The following KAT6B variants were observed in gnomAD, a reference collection of about 807,000 sequenced individuals.
KAT6B encodes histone acetyltransferase KAT6B.
Under a neutral mutation model 187.5 loss-of-function variants are expected in KAT6B, and 10 were observed. The observed-to-expected ratio is 0.05, with a 90% CI of 0.03 to 0.09. The LOEUF (loss-of-function observed/expected upper bound fraction) is 0.09. Ranked by LOEUF, KAT6B falls within the 10% of genes least tolerant of loss-of-function variation. The pLI is 1.00. For missense variants in KAT6B, 1,952 were observed against 2,558.9 expected, an observed-to-expected ratio of 0.76 and a Z score of 5.12; for synonymous variants, 861 against 926.8, an observed-to-expected ratio of 0.93 and a Z score of 1.29.
At chr10:74,952,186 C>A (rs1840362139) in intron 3 of KAT6B, among the ~76,000 whole-genome samples, 1 of 151,984 alleles carries the variant, frequency 6.6e-6, no homozygotes, top group Non-Finnish European at 1.5e-5. Context: ...AGACCCCCAT[C>A]TCTATGAAAA....
chr10:74,881,350 C>T (rs752541844), intron 3 of KAT6B, among the ~76,000 whole-genome samples: 7 of 152,118 alleles, frequency 4.6e-5, no homozygotes, highest in Admixed American at 2.6e-4. Flanking sequence ...CCTTTCACCT[C>T]GTCCATAAGG....
At chr10:75,003,051 C>G (rs1843958878) in intron 13 of KAT6B, 1 of 152,228 alleles carries the variant, frequency 6.6e-6, no homozygotes, top group African/African-American at 2.4e-5. Context: ...CACTGGTTTA[C>G]TTACTTCCAA....
rs1375137600 is a variant in KAT6B at position 74,829,019 on chromosome 10, AAAAAG to A, written c.-329+2246_-329+2250del. Among the ~76,000 whole-genome samples, 196 of 151,992 alleles carry A rather than the reference AAAAAG, an allele frequency of 1.3e-3. 2 individuals carry two copies. Among genetic ancestry groups the A allele is most frequent in the African/African-American group, 5.3e-4 (22 of 41,494 alleles). On this transcript the variant is annotated intron_variant, in intron 1 of 17. Coordinates refer to ENST00000287239, the MANE Select transcript of KAT6B (RefSeq NM_012330.4). Reference sequence around the variant, plus strand: ...GTGAAGTGATGGTTTAAAAAAAAAAAAAAAGAAAAGAAAAGAGAGAGACAGAGGAA... The same window carrying A: ...GTGAAGTGATGGTTTAAAAAAAAAAAAAAAGAAAAGAGAGAGACAGAGGAA...
chr10:74,966,256 G>C (rs759795612), intron 4 of KAT6B, among the ~76,000 whole-genome samples: 2 of 152,140 alleles, frequency 1.3e-5, no homozygotes, highest in Non-Finnish European at 2.9e-5. Flanking sequence ...TCCGTAAAAG[G>C]TTCTCTGCTT....
At chr10:74,890,202 T>C (rs1199542093) in intron 3 of KAT6B, among the ~76,000 whole-genome samples, 1 of 152,100 alleles carries the variant, frequency 6.6e-6, no homozygotes, top group Non-Finnish European at 1.5e-5. Context: ...GCTGCCTGGC[T>C]CATTTTGTAT....
chr10:74,826,937 CG>C (rs1212176218), intron 1 of KAT6B, among the ~76,000 whole-genome samples, 152 bp downstream of exon 1: 1 of 145,906 alleles, frequency 6.9e-6, no homozygotes, highest in Non-Finnish European at 1.5e-5. Context: ...TGCCCCTGAG[CG>C]TGACGGTAGG....
At chr10:74,927,647 C>T (rs774603623) in intron 3 of KAT6B, among the ~76,000 whole-genome samples, 1 of 152,084 alleles carries the variant, frequency 6.6e-6, no homozygotes, top group Non-Finnish European at 1.5e-5. Context: ...TCCCTCACCC[C>T]TCACGCTTCC....
chr10:74,862,635 C>T (rs1366025458), intron 3 of KAT6B, among the ~76,000 whole-genome samples: 1 of 152,196 alleles, frequency 6.6e-6, no homozygotes, highest in Non-Finnish European at 1.5e-5. Context: ...GGTCAGGGCT[C>T]TGCTTCCTGC....
At chr10:74,891,569 A>G (rs1845647787) in intron 3 of KAT6B, among the ~76,000 whole-genome samples, 1 of 152,250 alleles carries the variant, frequency 6.6e-6, no homozygotes, top group Admixed American at 6.5e-5. Context: ...TTAACAAGCA[A>G]CAATTTGCAA....
At chr10:74,972,704 T>A (rs1418082496) in intron 7 of KAT6B, 65 bp downstream of exon 7, 1 of 1,423,174 alleles carries the variant, frequency 7.0e-7, no homozygotes, top group Non-Finnish European at 9.9e-7. Context: ...TGATTGTTAT[T>A]CTCTCAGATT....
At chr10:74,830,785 TTTTTTTTTTTTTTTTTTTTG>T (rs1840786987) in intron 1 of KAT6B, among the ~76,000 whole-genome samples, 1 of 79,408 alleles carries the variant, frequency 1.3e-5, no homozygotes, top group African/African-American at 5.3e-5. Context: ...TTTTTTTTTT[TTTTTTTTTTTTTTTTTTTTG>T]AGACGGAGTT....
intron 3 of KAT6B, among the ~76,000 whole-genome samples, chr10:74,923,887 G>A (rs144934720): frequency 7.2e-5 from 11 of 152,290 alleles, no homozygotes; most frequent in South Asian, 2.1e-4. Flanking sequence ...AGCTGTAGGC[G>A]GCACCAAGGT....
At chr10:74,965,151 C>T (rs1841373102) in intron 4 of KAT6B, among the ~76,000 whole-genome samples, 2 of 152,230 alleles carry the variant, frequency 1.3e-5, no homozygotes. Flanking sequence ...CATCTTACAT[C>T]ACTATTCTGT....
chr10:74,965,430 G>A (rs147478323), intron 4 of KAT6B, among the ~76,000 whole-genome samples: 3 of 152,240 alleles, frequency 2.0e-5, no homozygotes, highest in Admixed American at 6.5e-5. Flanking sequence ...GATCTGGAAG[G>A]GTGGGAACCA....
chr10:74,860,071 T>G (rs904834489), intron 3 of KAT6B, among the ~76,000 whole-genome samples: 4 of 152,296 alleles, frequency 2.6e-5, no homozygotes, highest in African/African-American at 9.6e-5. Flanking sequence ...TTATTTTTAT[T>G]ATACTTTAAG....
At chr10:74,830,768 ATTTTTTTTTTTTTTTTTTTTTTT>A (rs1157500089) in intron 1 of KAT6B, among the ~76,000 whole-genome samples, 1 of 17,108 alleles carries the variant, frequency 5.8e-5, no homozygotes, top group East Asian at 2.1e-3. Flanking sequence ...ATATATATAT[ATTTTTTTTTTTTTTTTTTTTTTT>A]TTTTTTTTTT....
chr10:74,979,107 A>G (rs141697964), intron 9 of KAT6B, 117 bp from the exon 10 acceptor site: 76 of 726,806 alleles, frequency 1.0e-4, no homozygotes, highest in African/African-American at 1.0e-3. Context: ...AGGCCATGCA[A>G]ATTCACAATT....
chr10:74,834,745 C>T (rs1841156964), intron 1 of KAT6B, among the ~76,000 whole-genome samples: 1 of 152,128 alleles, frequency 6.6e-6, no homozygotes, highest in African/African-American at 2.4e-5. Flanking sequence ...GTCTCGAGCT[C>T]CTGGCCTCAA....
chr10:74,963,972 A>G (rs1841282962), intron 4 of KAT6B, among the ~76,000 whole-genome samples: 3 of 148,826 alleles, frequency 2.0e-5, no homozygotes, highest in Non-Finnish European at 3.0e-5. Flanking sequence ...AAAAAAAGGA[A>G]AAAAAAAAAA....
Sources: gnomAD v4.1 joint callset for allele counts (sites outside exome capture counted in the v4.1 genomes callset) on GRCh38, gnomAD v4.1.1 for gene constraint, MANE v1.5 for transcripts, NCBI Gene and HGNC (gene_info 2026-07-23, HGNC 2026-07-21) for gene names.